PTPRD: variants seen among roughly 807,000 people sequenced by gnomAD.
The protein encoded by PTPRD is protein tyrosine phosphatase receptor type D.
A neutral mutation model predicts 214.5 loss-of-function variants in PTPRD; 34 were observed. The observed-to-expected ratio is 0.16, with a 90% confidence interval of 0.12 to 0.21. PTPRD has a LOEUF of 0.21. Ranked by LOEUF, PTPRD falls within the 10% of genes least tolerant of loss-of-function variation. The pLI is 1.00. For synonymous variants in PTPRD, 1,128 were observed against 845.7 expected, an observed-to-expected ratio of 1.33 and a Z score of -5.79; for missense variants, 2,545 against 2,398.7, an observed-to-expected ratio of 1.06 and a Z score of -1.27.
At chr9:8,454,375 T>G (rs2096092486) in intron 33 of PTPRD, among the ~76,000 whole-genome samples, 1 of 152,190 alleles carries the variant, frequency 6.6e-6, no homozygotes, top group African/African-American at 2.4e-5. Context: ...CTTTAATCTG[T>G]TTTTTTCTAA....
chr9:8,366,071 C>T (rs1009258364), intron 39 of PTPRD, among the ~76,000 whole-genome samples: 2 of 152,110 alleles, frequency 1.3e-5, no homozygotes, highest in African/African-American at 2.4e-5. Flanking sequence ...AACAGAAATA[C>T]GGTTATAGTA....
intron 2 of PTPRD, among the ~76,000 whole-genome samples, chr9:10,527,035 G>C (rs1333757208): frequency 6.6e-6 from 1 of 151,994 alleles, no homozygotes; most frequent in Non-Finnish European, 1.5e-5. Flanking sequence ...ATGTACAATT[G>C]AAAAGCAACT....
At chr9:8,520,388 T>C (rs1281661358) in intron 20 of PTPRD, among the ~76,000 whole-genome samples, 2 of 152,100 alleles carry the variant, frequency 1.3e-5, no homozygotes, top group African/African-American at 2.4e-5. Context: ...ATAACGTGTA[T>C]TGCATTTTCT....
intron 2 of PTPRD, among the ~76,000 whole-genome samples, chr9:10,467,818 A>C (rs1005966681): frequency 1.3e-5 from 2 of 152,156 alleles, no homozygotes; most frequent in Non-Finnish European, 2.9e-5. Flanking sequence ...AACCTAATTT[A>C]TTTTTGTCAT....
At chr9:9,202,031 A>C (rs181444447) in intron 9 of PTPRD, among the ~76,000 whole-genome samples, 2 of 152,334 alleles carry the variant, frequency 1.3e-5, no homozygotes, top group Non-Finnish European at 2.9e-5. Context: ...CAGTGCAAGA[A>C]GTGCTTGTTT....
chr9:8,687,091 G>T (rs2097695905), intron 12 of PTPRD, among the ~76,000 whole-genome samples: 1 of 152,076 alleles, frequency 6.6e-6, no homozygotes, highest in Admixed American at 6.6e-5. Flanking sequence ...GAAAATGCTG[G>T]ATACATTCTG....
chr9:9,889,788 A>AGT (rs138586181), intron 5 of PTPRD, among the ~76,000 whole-genome samples: 6,768 of 146,238 alleles, frequency 0.046, 342 homozygotes, highest in African/African-American at 0.13. Flanking sequence ...GTTCCTGCTG[A>AGT]GTGTGTGTGT....
intron 5 of PTPRD, among the ~76,000 whole-genome samples, chr9:9,898,874 T>C (rs1355544460): frequency 6.6e-6 from 1 of 152,118 alleles, no homozygotes; most frequent in South Asian, 2.1e-4. Context: ...TCTCTGTGCA[T>C]AGTGACTATG....
intron 11 of PTPRD, among the ~76,000 whole-genome samples, chr9:8,803,538 G>T (rs1379508605): frequency 6.6e-6 from 1 of 151,596 alleles, no homozygotes; most frequent in Non-Finnish European, 1.5e-5. Context: ...AAATTATAAC[G>T]CCTGAGCAAC....
chr9:8,700,426 T>C (rs1011539053), intron 12 of PTPRD, among the ~76,000 whole-genome samples: 1 of 152,254 alleles, frequency 6.6e-6, no homozygotes, highest in African/African-American at 2.4e-5. Flanking sequence ...CTATTGAATA[T>C]CACCCTCTAC....
At chr9:8,820,573 A>G (rs1836229) in intron 11 of PTPRD, among the ~76,000 whole-genome samples, 76,714 of 152,018 alleles carry the variant, frequency 0.5, 19,715 homozygotes, top group African/African-American at 0.59. Flanking sequence ...TTAAGGATAC[A>G]TTTTTATGTT....
chr9:9,025,205 G>A (rs1443681122), intron 10 of PTPRD, among the ~76,000 whole-genome samples: 1 of 151,978 alleles, frequency 6.6e-6, no homozygotes, highest in Admixed American at 6.6e-5. Flanking sequence ...GAAAGAGCAA[G>A]ATGGTGGGAC....
At chr9:9,989,016 C>CAAAAAAAAAAAAAAAAAAA (rs397836899) in intron 4 of PTPRD, among the ~76,000 whole-genome samples, 3 of 36,286 alleles carry the variant, frequency 8.3e-5, no homozygotes, top group Admixed American at 5.2e-4. Flanking sequence ...TTTCACTGAC[C>CAAAAAAAAAAAAAAAAAAA]AAAAAAAAAA....
intron 2 of PTPRD, among the ~76,000 whole-genome samples, chr9:10,563,837 ATTTAT>A (rs2064773322): frequency 6.6e-6 from 1 of 152,024 alleles, no homozygotes; most frequent in African/African-American, 2.4e-5. Context: ...ATAATTATTT[ATTTAT>A]TTATCTATTT....
intron 9 of PTPRD, among the ~76,000 whole-genome samples, chr9:9,316,222 G>T (rs1013272841): frequency 1.3e-5 from 2 of 151,574 alleles, no homozygotes; most frequent in Non-Finnish European, 2.9e-5. Context: ...CCACCCCTAT[G>T]TCTCCCTCTC....
chr9:8,582,631 G>C (rs957702583), intron 14 of PTPRD, among the ~76,000 whole-genome samples: 2 of 152,130 alleles, frequency 1.3e-5, no homozygotes, highest in Non-Finnish European at 2.9e-5. Context: ...GGATAAGAAA[G>C]ATGTTCAGCC....
At chr9:9,640,102 G>A (rs2095888912) in intron 7 of PTPRD, among the ~76,000 whole-genome samples, 1 of 152,184 alleles carries the variant, frequency 6.6e-6, no homozygotes, top group Non-Finnish European at 1.5e-5. Context: ...TTCAGCCCAT[G>A]TGGGATGAGT....
In PTPRD at chr9:8,485,991, A is replaced by G. The variant is rs750936920; in HGVS notation, c.2826T>C (p.Pro942=). The change falls in exon 28 of 46, where the codon CCT becomes CCC. Residue 942 remains proline, a synonymous_variant. Transcript: ENST00000381196. ...STSVQLSWQP[P]VLAERNGIIT... ...TAATGCCATTTCTCTCTGCCAGGAC[A>G]GGTGGTTGCCAAGATAACTGGACGG... The G allele has an allele frequency of 4.3e-6, 7 of 1,614,084 alleles. No homozygotes were observed. Among genetic ancestry groups the G allele is most frequent in the African/African-American group, 2.7e-5 (2 of 74,926 alleles).
intron 5 of PTPRD, among the ~76,000 whole-genome samples, chr9:9,771,784 A>C (rs1182245960): frequency 1.3e-5 from 2 of 152,206 alleles, no homozygotes; most frequent in Non-Finnish European, 2.9e-5. Context: ...AAATCAAATA[A>C]AATTATTATT....
Sources: allele counts gnomAD v4.1 joint callset (sites outside exome capture counted in the v4.1 genomes callset), GRCh38; gene constraint gnomAD v4.1.1; transcripts MANE v1.5; gene names NCBI Gene and HGNC (gene_info 2026-07-23, HGNC 2026-07-21).